MMD: variants seen among roughly 807,000 people sequenced by gnomAD.
MMD encodes the protein monocyte to macrophage differentiation associated, also known as monocyte to macrophage differentiation factor.
In MMD, 22 loss-of-function variants were observed where a neutral mutation model predicts 33.6. That is an observed-to-expected ratio of 0.66 (90% CI 0.47 to 0.94). The LOEUF is 0.94. Ranked by LOEUF, MMD falls within the 40% of genes least tolerant of loss-of-function variation. The pLI is 0.00. For synonymous variants in MMD, 97 were observed against 103.2 expected (o/e 0.94, Z 0.36); for missense variants, 242 against 309.8 (o/e 0.78, Z 1.64).
intron 1 of MMD, among the ~76,000 whole-genome samples, chr17:55,420,832 C>T (rs543484334): frequency 1.3e-5 from 2 of 152,190 alleles, no homozygotes; most frequent in African/African-American, 2.4e-5. Flanking sequence ...GAGTCATGGG[C>T]TAACCTCCAT....
chr17:55,417,534 T>G (rs1908014625), intron 1 of MMD, among the ~76,000 whole-genome samples: 1 of 152,170 alleles, frequency 6.6e-6, no homozygotes, highest in Admixed American at 6.5e-5. Context: ...CTCACACCTG[T>G]AATCCCAGCA....
At chr17:55,395,896 G>C (rs918242481) in intron 6 of MMD, among the ~76,000 whole-genome samples, 1 of 152,204 alleles carries the variant, frequency 6.6e-6, no homozygotes, top group African/African-American at 2.4e-5. Flanking sequence ...GCTCTCATCA[G>C]ATTCGCAAAG....
intron 1 of MMD, among the ~76,000 whole-genome samples, chr17:55,415,054 G>C (rs926166012): frequency 1.3e-5 from 2 of 152,124 alleles, no homozygotes; most frequent in Non-Finnish European, 2.9e-5. Flanking sequence ...CAGTAGTACA[G>C]AGAAAAGCAT....
At chr17:55,404,382 G>C (rs1907462883) in intron 4 of MMD, 1 of 811,214 alleles carries the variant, frequency 1.2e-6, no homozygotes, top group Non-Finnish European at 1.5e-6. Context: ...GTTTCAACAT[G>C]GTTTAAAAAT....
At chr17:55,408,874 G>A (rs4794578) in intron 3 of MMD, among the ~76,000 whole-genome samples, 20,399 of 152,014 alleles carry the variant, frequency 0.13, 1,831 homozygotes, top group East Asian at 0.45. Context: ...GGTGGCGCAC[G>A]CCTGTAGTCC....
At chr17:55,411,130 C>G in intron 3 of MMD, 127 bp downstream of exon 3, 5 of 1,061,200 alleles carry the variant, frequency 4.7e-6, no homozygotes, top group Non-Finnish European at 6.7e-6. Flanking sequence ...GGATAGTATT[C>G]TAGTCTACAA....
At chr17:55,420,601 G>A (rs1483396814) in intron 1 of MMD, 4 of 152,104 alleles carry the variant, frequency 2.6e-5, no homozygotes. Context: ...AAAAAAATGT[G>A]TACTTTAAAA....
intron 2 of MMD, 120 bp downstream of exon 2, chr17:55,414,031 T>C: frequency 1.1e-6 from 1 of 908,724 alleles, no homozygotes; most frequent in Non-Finnish European, 1.8e-6. Flanking sequence ...GATTTCCTGG[T>C]AGATAAGGTC....
chr17:55,417,356 G>A (rs1238888206), intron 1 of MMD, among the ~76,000 whole-genome samples: 1 of 152,160 alleles, frequency 6.6e-6, no homozygotes, highest in Non-Finnish European at 1.5e-5. Context: ...GTGTGCACCT[G>A]TAATCCCAGC....
rs1298677612 is a variant in MMD, at chr17:55,392,665, T to C, written c.*1669A>G. 1 of 152,654 alleles carries C rather than the reference T, an allele frequency of 6.6e-6. No homozygotes were observed. The allele number at this position is 152,654 out of a possible 1,614,324, so 9.5% of individuals were successfully genotyped here. On this transcript the variant is annotated 3_prime_UTR_variant, in exon 7 of 7. Transcript: ENST00000262065. ...TGTAGTATACAGCACAATTTTTACA[T>C]ACATATTAGTGGTTTTGACAGTGTT...
intron 6 of MMD, among the ~76,000 whole-genome samples, chr17:55,398,526 T>C (rs1181337858): frequency 2.6e-5 from 4 of 151,376 alleles, no homozygotes; most frequent in African/African-American, 9.7e-5. Flanking sequence ...TCTGGTAATA[T>C]TTATTATATA....
chr17:55,404,464 C>T, intron 4 of MMD: 1 of 985,220 alleles, frequency 1.0e-6, no homozygotes, highest in South Asian at 4.7e-5. Context: ...CCCTATTAGG[C>T]AGAATGAGGT....
At chr17:55,405,926 T>C (rs1486124288) in intron 4 of MMD, among the ~76,000 whole-genome samples, 1 of 151,976 alleles carries the variant, frequency 6.6e-6, no homozygotes, top group Non-Finnish European at 1.5e-5. Context: ...TAATTAAGAG[T>C]TTCAAAGCAA....
At chr17:55,411,086 T>G (rs1156998953) in intron 3 of MMD, among the ~76,000 whole-genome samples, 171 bp downstream of exon 3, 1 of 152,206 alleles carries the variant, frequency 6.6e-6, no homozygotes, top group Non-Finnish European at 1.5e-5. Context: ...GTCCTAAAAC[T>G]TCATCCAGTC....
chr17:55,410,091 A>G (rs1035482025), intron 3 of MMD, among the ~76,000 whole-genome samples: 3 of 152,214 alleles, frequency 2.0e-5, no homozygotes, highest in African/African-American at 7.2e-5. Flanking sequence ...ACTTGGAGTC[A>G]GAGGTCTTGG....
chr17:55,407,710 A>T, intron 4 of MMD, 36 bp downstream of exon 4: 1 of 1,570,346 alleles, frequency 6.4e-7, no homozygotes, highest in Non-Finnish European at 8.7e-7. Context: ...TAATCATAAA[A>T]TCACTACCTT....
At chr17:55,414,032 A>G (rs1173255242) in intron 2 of MMD, 119 bp downstream of exon 2, 26 of 913,102 alleles carry the variant, frequency 2.8e-5, no homozygotes, top group Non-Finnish European at 3.7e-5. Flanking sequence ...ATTTCCTGGT[A>G]GATAAGGTCA....
intron 4 of MMD, among the ~76,000 whole-genome samples, chr17:55,407,426 G>A (rs926151163): frequency 2.0e-5 from 3 of 152,164 alleles, no homozygotes; most frequent in Non-Finnish European, 4.4e-5. Context: ...CAATAGCAGA[G>A]GTATAGGGAA....
At chr17:55,418,526 C>A (rs951920248) in intron 1 of MMD, among the ~76,000 whole-genome samples, 3 of 152,222 alleles carry the variant, frequency 2.0e-5, no homozygotes, top group Non-Finnish European at 4.4e-5. Flanking sequence ...CACAAAAACA[C>A]TTAAAATCCA....
Sources: gnomAD v4.1 joint callset for allele counts (sites outside exome capture counted in the v4.1 genomes callset) on GRCh38, gnomAD v4.1.1 for gene constraint, MANE v1.5 for transcripts, NCBI Gene and HGNC (gene_info 2026-07-23, HGNC 2026-07-21) for gene names.